The following EP300 variants were observed in gnomAD, a reference collection of about 807,000 sequenced individuals.
EP300 encodes histone acetyltransferase p300.
In EP300, 31 loss-of-function variants were observed where a neutral mutation model predicts 264.0. The ratio of observed to expected loss-of-function variants is 0.12; its 90% CI spans 0.09 to 0.16. EP300 has a LOEUF of 0.16. EP300 is among the 10% of genes least tolerant of loss of function. The pLI, the probability that EP300 is intolerant of heterozygous loss-of-function variation, is 1.00. For synonymous variants in EP300, 1,340 were observed against 1,045.4 expected, an observed-to-expected ratio of 1.28 and a Z score of -5.44; for missense variants, 2,766 against 3,052.9, an observed-to-expected ratio of 0.91 and a Z score of 2.21.
chr22:41,165,226 A>AGGATCAGTCAACT (rs1223889852), intron 22 of EP300, among the ~76,000 whole-genome samples: 1 of 152,194 alleles, frequency 6.6e-6, no homozygotes, highest in Non-Finnish European at 1.5e-5. Context: ...CTTCTAATTT[A>AGGATCAGTCAACT]GGATCAGTCA....
At chr22:41,152,763 C>G (rs1046761567) in intron 16 of EP300, among the ~76,000 whole-genome samples, 2 of 920 alleles carry the variant, frequency 2.2e-3, no homozygotes, top group Non-Finnish European at 4.9e-3. Context: ...TTTTTCTTTT[C>G]TTTTTTGTTT....
chr22:41,178,641 C>T lies in EP300; in HGVS notation c.6930C>T (p.Pro2310=), dbSNP rs2145522941. The stretch of plus-strand genomic sequence containing the variant: ...CTCTCTCCAATCAAGTGCGCTCTCC[C>T]CAGCCTGTCCCTTCTCCACGGCCAC... The part of the protein sequence containing the change: ...PNSLSNQVRS[P]QPVPSPRPQS... The change falls in exon 31 of 31, where the codon CCC becomes CCT. Residue 2310 remains proline (P), a synonymous_variant. Transcript: ENST00000263253. 6.2e-7 allele frequency: 1 copy of T among 1,614,180 alleles called. No individual in the cohort carries two copies. The highest frequency in any genetic ancestry group is 1.1e-5 in the South Asian group (1 of 91,076).
At chr22:41,142,477 G>A (rs1180486708) in intron 10 of EP300, among the ~76,000 whole-genome samples, 4 of 152,080 alleles carry the variant, frequency 2.6e-5, no homozygotes, top group Non-Finnish European at 4.4e-5. Context: ...CAATAGTAAG[G>A]AAAAACACAG....
At chr22:41,166,107 C>T (rs568381368) in intron 22 of EP300, among the ~76,000 whole-genome samples, 1 of 152,152 alleles carries the variant, frequency 6.6e-6, no homozygotes, top group Non-Finnish European at 1.5e-5. Context: ...TCATTTATGT[C>T]TGCTGCATTT....
intron 3 of EP300, among the ~76,000 whole-genome samples, 182 bp from the exon 4 acceptor site, chr22:41,127,302 TTTC>T (rs1454534981): frequency 6.6e-6 from 1 of 152,188 alleles, no homozygotes; most frequent in African/African-American, 2.4e-5. Flanking sequence ...TGTCATTTTT[TTTC>T]TTATTAAATT....
chr22:41,106,314 T>G (rs2058757819), intron 1 of EP300, among the ~76,000 whole-genome samples: 1 of 152,220 alleles, frequency 6.6e-6, no homozygotes, highest in Non-Finnish European at 1.5e-5. Flanking sequence ...AGCCAAACCA[T>G]TATCAGAATT....
At chr22:41,160,800 C>T in intron 20 of EP300, 78 bp downstream of exon 20, 1 of 1,324,990 alleles carries the variant, frequency 7.5e-7, no homozygotes, top group Non-Finnish European at 1.1e-6. Flanking sequence ...TCTAAATGAA[C>T]TTAAGCTATG....
chr22:41,178,352 C>A lies in EP300; in HGVS notation c.6641C>A (p.Pro2214His), dbSNP rs140819454. The A allele has an allele frequency of 1.9e-6, 3 of 1,614,118 alleles. No individual in the cohort carries two copies. The highest frequency in any genetic ancestry group is 1.7e-5 in the Admixed American group (1 of 60,010). ...GCCAACCATAACCAGTTCCAGCAACCCCAAGGAGTTGGCTACCCACCACAG... is the reference window on the plus strand; with the variant it reads ...GCCAACCATAACCAGTTCCAGCAACACCAAGGAGTTGGCTACCCACCACAG... The part of the protein sequence containing the change: ...GMANHNQFQQ[P>H]QGVGYPPQQQ... Residue 2214 changes from proline (P) to histidine (H), a missense_variant, in exon 31 of 31, where the codon CCC (proline) becomes CAC (histidine). Physicochemically the swap from Pro to His is moderately conservative, Grantham distance 77 (BLOSUM62 -2). Transcript: ENST00000263253.
chr22:41,169,251 T>A, intron 25 of EP300: 1 of 571,296 alleles, frequency 1.8e-6, no homozygotes, highest in Non-Finnish European at 3.1e-6. Context: ...CGTATAGGGA[T>A]CACCAAATAC....
intron 22 of EP300, among the ~76,000 whole-genome samples, chr22:41,165,525 G>C (rs1010557273): frequency 6.6e-6 from 1 of 152,080 alleles, no homozygotes; most frequent in African/African-American, 2.4e-5. Context: ...CCAGGTTCAA[G>C]TGATTCTCCT....
At chr22:41,146,538 A>G in intron 10 of EP300, 1 of 594,904 alleles carries the variant, frequency 1.7e-6, no homozygotes, top group Non-Finnish European at 3.0e-6. Context: ...ATACCAACAA[A>G]TCCACTTGGA....
intron 10 of EP300, among the ~76,000 whole-genome samples, chr22:41,142,669 A>T (rs1213080985): frequency 6.6e-6 from 1 of 152,010 alleles, no homozygotes; most frequent in Non-Finnish European, 1.5e-5. Flanking sequence ...GTAGATCATG[A>T]CGTCAGGAGA....
At chr22:41,095,197 C>T (rs968999077) in intron 1 of EP300, among the ~76,000 whole-genome samples, 4 of 149,620 alleles carry the variant, frequency 2.7e-5, no homozygotes, top group African/African-American at 4.9e-5. Context: ...AATACTGTCC[C>T]TCTGTTAACT....
At chr22:41,093,663 T>C (rs2145666923) in intron 1 of EP300, among the ~76,000 whole-genome samples, 2 of 152,298 alleles carry the variant, frequency 1.3e-5, no homozygotes, top group South Asian at 4.1e-4. Flanking sequence ...ATTCTTAGCT[T>C]TTTTTTCCTT....
At chr22:41,162,674 T>C in intron 20 of EP300, 49 bp from the exon 21 acceptor site, 5 of 1,457,508 alleles carry the variant, frequency 3.4e-6, no homozygotes, top group Admixed American at 3.4e-5. Flanking sequence ...AGCAGTCAGA[T>C]TGCTCATCTC....
At chr22:41,167,231 A>G (rs1216173628) in intron 23 of EP300, among the ~76,000 whole-genome samples, 2 of 152,168 alleles carry the variant, frequency 1.3e-5, no homozygotes, top group Non-Finnish European at 2.9e-5. Context: ...TCCTGATCAC[A>G]GGTGATCCAC....
chr22:41,130,121 G>GT, intron 5 of EP300, 118 bp downstream of exon 5: 2 of 779,926 alleles, frequency 2.6e-6, no homozygotes, highest in Non-Finnish European at 4.3e-6. Flanking sequence ...TTGAATAAAT[G>GT]TTTTTTTCCC....
chr22:41,117,926 G>A (rs192672846), intron 2 of EP300, 105 bp downstream of exon 2: 18 of 1,552,290 alleles, frequency 1.2e-5, no homozygotes, highest in East Asian at 2.3e-5. Context: ...ACTATTACAC[G>A]CCAGGAATTT....
At chr22:41,122,218 TGCAA>T (rs1175109579) in intron 2 of EP300, among the ~76,000 whole-genome samples, 1 of 139,860 alleles carries the variant, frequency 7.2e-6, no homozygotes, top group Non-Finnish European at 1.5e-5. Flanking sequence ...CAGGCAGGAG[TGCAA>T]TGGCCCAATC....
Sources: allele counts gnomAD v4.1 joint callset (sites outside exome capture counted in the v4.1 genomes callset), GRCh38; gene constraint gnomAD v4.1.1; transcripts MANE v1.5; gene names NCBI Gene and HGNC (gene_info 2026-07-23, HGNC 2026-07-21).